Variants in FNIP2 observed in about 807,000 individuals in gnomAD.
The protein encoded by FNIP2 is folliculin-interacting protein 2.
A neutral mutation model predicts 108.7 loss-of-function variants in FNIP2; 32 were observed. That is an observed-to-expected ratio of 0.29 (90% confidence interval 0.22 to 0.40). FNIP2 has a LOEUF of 0.40. FNIP2 is among the 10% of genes least tolerant of loss of function. FNIP2 has a pLI of 1.00. For synonymous variants in FNIP2, 480 were observed against 496.7 expected, an observed-to-expected ratio of 0.97 and a Z score of 0.45; for missense variants, 1,202 against 1,381.6, an observed-to-expected ratio of 0.87 and a Z score of 2.06.
At chr4:158,821,045 C>T (rs1578863726) in intron 1 of FNIP2, among the ~76,000 whole-genome samples, 2 of 152,298 alleles carry the variant, frequency 1.3e-5, no homozygotes, top group East Asian at 3.9e-4. Flanking sequence ...TGTCATGTTT[C>T]AGGGAAGTAA....
intron 7 of FNIP2, among the ~76,000 whole-genome samples, chr4:158,843,065 T>A (rs1198923714): frequency 6.6e-6 from 1 of 152,184 alleles, no homozygotes; most frequent in Admixed American, 6.5e-5. Context: ...TTTTTGCCAG[T>A]GTTTCAAGCT....
At chr4:158,800,978 A>G (rs1776742318) in intron 1 of FNIP2, among the ~76,000 whole-genome samples, 2 of 152,212 alleles carry the variant, frequency 1.3e-5, no homozygotes, top group Non-Finnish European at 2.9e-5. Flanking sequence ...TAGGAACTGC[A>G]CATCTTCCTG....
intron 14 of FNIP2, among the ~76,000 whole-genome samples, chr4:158,882,898 C>A (rs1781766973): frequency 6.6e-6 from 1 of 152,176 alleles, no homozygotes; most frequent in African/African-American, 2.4e-5. Context: ...AAACCAGAGA[C>A]CTTTGTTCAC....
chr4:158,811,182 C>G (rs1180772270), intron 1 of FNIP2, among the ~76,000 whole-genome samples: 1 of 152,148 alleles, frequency 6.6e-6, no homozygotes, highest in Non-Finnish European at 1.5e-5. Flanking sequence ...ATTTAGGTAT[C>G]AGGTGTACAC....
At chr4:158,880,578 C>T (rs970516380) in intron 14 of FNIP2, among the ~76,000 whole-genome samples, 13 of 152,108 alleles carry the variant, frequency 8.5e-5, no homozygotes, top group African/African-American at 3.1e-4. Flanking sequence ...TACCTTAGAA[C>T]TTAAAGTATA....
chr4:158,822,174 CTTT>C (rs70962634), intron 1 of FNIP2, among the ~76,000 whole-genome samples: 2 of 118,168 alleles, frequency 1.7e-5, no homozygotes, highest in African/African-American at 3.1e-5. Context: ...GAGTTTTCCT[CTTT>C]TTTTTTTTTT....
At chr4:158,805,420 T>G (rs1334374831) in intron 1 of FNIP2, among the ~76,000 whole-genome samples, 1 of 152,212 alleles carries the variant, frequency 6.6e-6, no homozygotes, top group Non-Finnish European at 1.5e-5. Context: ...AATATTAGTG[T>G]CAGAAGTCAA....
intron 8 of FNIP2, among the ~76,000 whole-genome samples, chr4:158,857,887 G>C (rs970560521): frequency 1.3e-5 from 2 of 152,038 alleles, no homozygotes; most frequent in African/African-American, 4.8e-5. Context: ...AATTGAGGCT[G>C]CAGTGAGCCA....
At chr4:158,859,302 G>A in intron 9 of FNIP2, 44 bp downstream of exon 9, 1 of 1,538,832 alleles carries the variant, frequency 6.5e-7, no homozygotes, top group Non-Finnish European at 8.8e-7. Flanking sequence ...AGTGATTGTG[G>A]GGCTTTGAAG....
chr4:158,879,959 A>C (rs1781491723), intron 14 of FNIP2, among the ~76,000 whole-genome samples: 27 of 148,140 alleles, frequency 1.8e-4, no homozygotes, highest in African/African-American at 3.6e-4. Flanking sequence ...GCTGGAGAGG[A>C]TGTGGAGAAA....
intron 14 of FNIP2, among the ~76,000 whole-genome samples, chr4:158,878,652 G>A (rs542141830): frequency 6.6e-6 from 1 of 152,224 alleles, no homozygotes; most frequent in African/African-American, 2.4e-5. Flanking sequence ...CAGTAAGATA[G>A]GCCCACGTTC....
intron 14 of FNIP2, among the ~76,000 whole-genome samples, chr4:158,883,752 T>G (rs1472366477): frequency 6.6e-6 from 1 of 152,150 alleles, no homozygotes. Context: ...TGTAGCAACA[T>G]GCATGATAGA....
intron 13 of FNIP2, 141 bp from the exon 14 acceptor site, chr4:158,870,172 C>A: frequency 1.2e-6 from 1 of 810,670 alleles, no homozygotes; most frequent in Non-Finnish European, 1.9e-6. Context: ...CACCTGTGAT[C>A]CACTTACTTG....
Position 158,812,944 on chromosome 4 carries a change from T to C in FNIP2, c.108-12972T>C, listed in dbSNP as rs144780861. 1.4e-3 allele frequency among the ~76,000 whole-genome samples: 220 copies of C among 152,052 alleles called. 2 individuals are homozygous for C. Among genetic ancestry groups the C allele is most frequent in the African/African-American group, 5.0e-3 (206 of 41,478 alleles). On this transcript the variant is annotated intron_variant, in intron 1 of 16. Coordinates refer to ENST00000264433, the MANE Select transcript of FNIP2 (RefSeq NM_020840.3). ...ACCACTTGTCTTTTTACTGTCTCCA[T>C]AGTTTTGCCTTTTCCAGAATGTCAT... is the stretch of plus-strand genomic sequence containing the variant.
chr4:158,896,566 G>A (rs1031942028), intron 16 of FNIP2, among the ~76,000 whole-genome samples: 12 of 152,278 alleles, frequency 7.9e-5, no homozygotes, highest in African/African-American at 2.9e-4. Flanking sequence ...TATTTATAAT[G>A]TCGACGTTTA....
At chr4:158,898,163 T>C (rs1782858803) in intron 16 of FNIP2, among the ~76,000 whole-genome samples, 1 of 152,182 alleles carries the variant, frequency 6.6e-6, no homozygotes, top group Non-Finnish European at 1.5e-5. Flanking sequence ...TGTGGTGGTA[T>C]TTCTGAGGCC....
intron 1 of FNIP2, among the ~76,000 whole-genome samples, chr4:158,797,321 C>T (rs764733731): frequency 1.3e-5 from 2 of 152,184 alleles, no homozygotes; most frequent in African/African-American, 2.4e-5. Flanking sequence ...TTCTGTTATA[C>T]ACATTGACTT....
intron 1 of FNIP2, among the ~76,000 whole-genome samples, chr4:158,777,327 A>G (rs1775894356): frequency 6.6e-6 from 1 of 152,372 alleles, no homozygotes; most frequent in African/African-American, 2.4e-5. Flanking sequence ...TGAAAACAAT[A>G]TTGATATTCT....
rs1396722307 is a variant in FNIP2 at position 158,869,192 on chromosome 4, T to C, written c.2556T>C (p.Pro852=). The C allele has an allele frequency of 6.2e-7, 1 of 1,613,950 alleles. No individual in the cohort carries two copies. The highest frequency in any genetic ancestry group is 2.2e-5 in the East Asian group (1 of 44,900). ...CTGCGGAAGGACCTGTGCTGGAGCC[T>C]GTTGCCCCCAGGTGTGTCCAGCGGG... The part of the protein sequence containing the change: ...VKAAEGPVLE[P]VAPRCVQRGP... The change falls in exon 13 of 17, where the codon CCT becomes CCC. Residue 852 remains proline, a synonymous_variant. Transcript: ENST00000264433.
Sources: allele counts gnomAD v4.1 joint callset (sites outside exome capture counted in the v4.1 genomes callset), GRCh38; gene constraint gnomAD v4.1.1; transcripts MANE v1.5; gene names NCBI Gene and HGNC (gene_info 2026-07-23, HGNC 2026-07-21).